CWC25: variants seen among roughly 807,000 people sequenced by gnomAD.
CWC25 encodes CWC25 spliceosome associated protein, also known as pre-mRNA-splicing factor CWC25 homolog.
Under a neutral mutation model 54.6 loss-of-function variants are expected in CWC25, and 31 were observed. The ratio of observed to expected loss-of-function variants is 0.57; its 90% confidence interval spans 0.43 to 0.77. The LOEUF is 0.77. Among genes scored for constraint, CWC25 ranks in the 30% least tolerant of loss-of-function variants. CWC25 has a pLI of 0.00. For missense variants in CWC25, 453 were observed against 529.3 expected (o/e 0.86, Z 1.41); for synonymous variants, 151 against 187.0 (o/e 0.81, Z 1.57).
Position 38,820,901 on chromosome 17 carries a change from T to C in CWC25, c.191A>G (p.Lys64Arg), listed in dbSNP as rs757251073. Residue 64 changes from lysine to arginine, a missense_variant and splice_region_variant, in exon 2 of 10, where the codon AAG becomes AGG. By Grantham distance (26) the Lys-to-Arg change is conservative. Transcript: ENST00000614790. ...AGCGCACCCCCAGCTCCTCACTTAC[T>C]TGACGGCCCCAACATCCTCCGCATA... ...QRYAEDVGAV[K>R]KKEEKLDWMY... is the part of the protein sequence containing the mutation. The C allele has an allele frequency of 6.8e-6, 11 of 1,610,068 alleles. No homozygotes were observed. The highest frequency in any genetic ancestry group is 7.6e-6 in the Non-Finnish European group (9 of 1,178,140).
chr17:38,824,724 G>A (rs1290959007), intron 1 of CWC25, among the ~76,000 whole-genome samples: 1 of 152,102 alleles, frequency 6.6e-6, no homozygotes, highest in Non-Finnish European at 1.5e-5. Flanking sequence ...GCATGGCTTA[G>A]GGTAGGGAGA....
intron 2 of CWC25, 130 bp from the exon 3 acceptor site, chr17:38,815,227 T>C (rs1003409571): frequency 1.3e-6 from 1 of 783,942 alleles, no homozygotes; most frequent in Non-Finnish European, 2.0e-6. Flanking sequence ...GCACCTACCA[T>C]GCAATAAACA....
chr17:38,812,356 A>G (rs1441724944), intron 4 of CWC25, among the ~76,000 whole-genome samples: 2 of 152,202 alleles, frequency 1.3e-5, no homozygotes, highest in South Asian at 2.1e-4. Flanking sequence ...CACATGGTGC[A>G]TTCTCCCACC....
At chr17:38,813,859 T>C (rs567120671) in intron 3 of CWC25, among the ~76,000 whole-genome samples, 3 of 151,966 alleles carry the variant, frequency 2.0e-5, no homozygotes, top group Admixed American at 6.6e-5. Flanking sequence ...TTGTTTTTTT[T>C]GTTGTTGTTG....
At chr17:38,820,872 C>A (rs1363265716) in intron 2 of CWC25, 29 bp downstream of exon 2, 1 of 1,594,950 alleles carries the variant, frequency 6.3e-7, no homozygotes, top group Admixed American at 1.7e-5. Context: ...ATTCCCTACA[C>A]ACAAGCGCAC....
intron 1 of CWC25, 56 bp from the exon 2 acceptor site, chr17:38,821,129 A>G: frequency 6.4e-7 from 1 of 1,558,992 alleles, no homozygotes; most frequent in South Asian, 1.2e-5. Context: ...AGTGGTGGGT[A>G]TAACTAGCCC....
chr17:38,809,434 A>AAC (rs1911394733), intron 6 of CWC25, among the ~76,000 whole-genome samples: 1 of 151,896 alleles, frequency 6.6e-6, no homozygotes, highest in African/African-American at 2.4e-5. Context: ...CTCAAAAAAA[A>AAC]AAAAAAACAA....
At chr17:38,803,639 T>A (rs1911114098) in intron 8 of CWC25, among the ~76,000 whole-genome samples, 1 of 147,876 alleles carries the variant, frequency 6.8e-6, no homozygotes, top group East Asian at 2.0e-4. Context: ...CAAAAAAAAA[T>A]AAAAACCTCC....
At chr17:38,813,754 G>C (rs184014017) in intron 3 of CWC25, among the ~76,000 whole-genome samples, 2 of 152,122 alleles carry the variant, frequency 1.3e-5, no homozygotes, top group Non-Finnish European at 2.9e-5. Flanking sequence ...ATGTTGCTCA[G>C]GCTGGTCTCA....
At chr17:38,819,204 CTT>C (rs373219874) in intron 2 of CWC25, among the ~76,000 whole-genome samples, 3 of 141,272 alleles carry the variant, frequency 2.1e-5, no homozygotes, top group Non-Finnish European at 1.6e-5. Flanking sequence ...TCCTTTCTTT[CTT>C]TTTTTTTTTT....
intron 3 of CWC25, among the ~76,000 whole-genome samples, chr17:38,813,935 C>T (rs1911592656): frequency 6.6e-6 from 1 of 152,066 alleles, no homozygotes; most frequent in Admixed American, 6.6e-5. Context: ...GATCTCAGGT[C>T]ACTGCAAACT....
chr17:38,818,147 G>A (rs1001201881), intron 2 of CWC25, among the ~76,000 whole-genome samples: 5 of 147,294 alleles, frequency 3.4e-5, no homozygotes, highest in African/African-American at 1.3e-4. Flanking sequence ...GTGGTGATGT[G>A]CGCCTGTAAT....
intron 6 of CWC25, among the ~76,000 whole-genome samples, chr17:38,809,019 A>G (rs1911370993): frequency 6.6e-6 from 1 of 151,100 alleles, no homozygotes; most frequent in African/African-American, 2.4e-5. Flanking sequence ...CCAGCTACTC[A>G]GAAGATTGCT....
chr17:38,808,946 CAAA>C (rs71138657), intron 6 of CWC25, among the ~76,000 whole-genome samples: 1,581 of 107,948 alleles, frequency 0.015, 10 homozygotes, highest in Middle Eastern at 0.052. Context: ...AACTCCACCT[CAAA>C]AAAAAAAAAA....
chr17:38,810,510 C>G lies in CWC25; in HGVS notation c.584G>C (p.Ser195Thr). The stretch of plus-strand genomic sequence containing the variant: ...ATCCTCGCTGCTGGAACGATCACTA[C>G]TCGAGCTTCTGTGCTTATGTTTCTT... ...KHKKHKHRSS[S>T]SDRSSSEDEH... The change falls in exon 5 of 10, where the codon AGT becomes ACT. Residue 195 changes from serine to threonine, a missense_variant. By Grantham distance (58) the Ser-to-Thr change is moderately conservative. Around this residue, in one of 2 missense-constraint regions of CWC25, gnomAD observed 444 missense variants for 499.2 expected, o/e 0.89. Coordinates refer to ENST00000614790, the MANE Select transcript of CWC25 (RefSeq NM_017748.5). The G allele has an allele frequency of 6.2e-7, 1 of 1,606,572 alleles. No homozygotes were observed.
At chr17:38,805,000 AGGAG>A (rs1911174672) in intron 8 of CWC25, among the ~76,000 whole-genome samples, 1 of 148,050 alleles carries the variant, frequency 6.8e-6, no homozygotes, top group African/African-American at 2.5e-5. Context: ...CCAGCTACCT[AGGAG>A]GCTGAGGCAG....
chr17:38,823,431 A>T (rs1912010897), intron 1 of CWC25, among the ~76,000 whole-genome samples: 1 of 151,624 alleles, frequency 6.6e-6, no homozygotes. Flanking sequence ...TGCTGGGATT[A>T]CAGGCATGAG....
chr17:38,822,987 G>A (rs146004158), intron 1 of CWC25, among the ~76,000 whole-genome samples: 2,615 of 150,242 alleles, frequency 0.017, 72 homozygotes, highest in African/African-American at 0.06. Flanking sequence ...ACAGACATCC[G>A]CCACCATGCC....
rs138904839 is a variant in CWC25 at position 38,802,519 on chromosome 17, T to C, written c.1163+181A>G. Among the ~76,000 whole-genome samples the C allele has an allele frequency of 5.3e-3, 814 of 152,216 alleles. 11 individuals carry two copies. Among genetic ancestry groups the C allele is most frequent in the African/African-American group, 0.019 (774 of 41,530 alleles). ...TGATTTAGAAAATACCAAATTCACT[T>C]CTCCTCCCCTCAAATGAAAAACATC... is the stretch of plus-strand genomic sequence containing the variant. On this transcript the variant is annotated intron_variant, in intron 9 of 9. Coordinates refer to ENST00000614790, the MANE Select transcript of CWC25 (RefSeq NM_017748.5).
Sources: allele counts gnomAD v4.1 joint callset (sites outside exome capture counted in the v4.1 genomes callset), GRCh38; gene constraint gnomAD v4.1.1; regional missense constraint gnomAD v4.1.1; transcripts MANE v1.5; gene names NCBI Gene and HGNC (gene_info 2026-07-23, HGNC 2026-07-21).